NRN1L: variants seen among roughly 807,000 people sequenced by gnomAD.
NRN1L encodes the protein neuritin-like protein.
A neutral mutation model predicts 8.8 loss-of-function variants in NRN1L; 12 were observed. That is an observed-to-expected ratio of 1.36 (90% CI 0.87 to 2.20). The LOEUF is 2.20. Ranked by LOEUF, NRN1L falls within the 30% of genes most tolerant of loss-of-function variation. The pLI is 0.00. For synonymous variants in NRN1L, 114 were observed against 99.2 expected, an observed-to-expected ratio of 1.15 and a Z score of -0.88; for missense variants, 266 against 232.4, an observed-to-expected ratio of 1.14 and a Z score of -0.94.
At chr16:67,887,048 C>T (rs75264136), downstream of NRN1L, among the ~76,000 whole-genome samples, 72 of 152,282 alleles carry the variant, frequency 4.7e-4, no homozygotes, top group Non-Finnish European at 8.7e-4. Context: ...TTCTGGAAGC[C>T]GTGGAACAAG....
In NRN1L at chr16:67,886,000, C is replaced by A; in HGVS notation, c.239C>A (p.Ala80Asp). 3 of 1,614,198 alleles carry A rather than the reference C, an allele frequency of 1.9e-6. No homozygotes were observed. The highest frequency in any genetic ancestry group is 1.7e-6 in the Non-Finnish European group (2 of 1,180,034). The change falls in exon 3 of 3, where the codon GCC (alanine) becomes GAC (aspartate). Residue 80 changes from alanine (A) to aspartate (D), a missense_variant. Coordinates refer to ENST00000339176, the MANE Select transcript of NRN1L (RefSeq NM_198443.2). ...TCTTGGAATGACTTCCATGCCTGTG[C>A]CTCTCAGGTCCTGTCAGGCTGTCCG... ...CRSWNDFHAC[A>D]SQVLSGCPEE...
At position 67,886,081 on chromosome 16, in the gene NRN1L, G is replaced by T; in HGVS notation, c.320G>T (p.Arg107Leu). The T allele has an allele frequency of 1.2e-6, 2 of 1,613,314 alleles. No individual in the cohort carries two copies. The highest frequency in any genetic ancestry group is 1.7e-6 in the Non-Finnish European group (2 of 1,179,722). ...CAGCAAGAAGCTCGCCAGGCCCCCCGTCCGAATAACTTGCACACTCTGTGC... is the reference window on the plus strand; with the variant it reads ...CAGCAAGAAGCTCGCCAGGCCCCCCTTCCGAATAACTTGCACACTCTGTGC... ...SLQQEARQAP[R>L]PNNLHTLCGA... The change falls in exon 3 of 3, where the codon CGT becomes CTT. Residue 107 changes from arginine (R) to leucine (L), a missense_variant. Physicochemically the swap from Arg to Leu is moderately radical, Grantham distance 102 (BLOSUM62 -2). Transcript: ENST00000339176.
chr16:67,887,692 C>T (rs1394882093), downstream of NRN1L, among the ~76,000 whole-genome samples: 2 of 151,782 alleles, frequency 1.3e-5, no homozygotes, highest in East Asian at 3.9e-4. Context: ...ACACCATTCT[C>T]CTGCCTCAGC....
chr16:67,885,313 ATTTATC>A (rs949236397), intron 1 of NRN1L: 18 of 510,264 alleles, frequency 3.5e-5, no homozygotes, highest in African/African-American at 2.0e-4. Context: ...CTCCAAAAAT[ATTTATC>A]TTTAGAGAGA....
chr16:67,885,590 TG>T, intron 1 of NRN1L, 131 bp from the exon 2 acceptor site: 2 of 683,434 alleles, frequency 2.9e-6, no homozygotes, highest in Non-Finnish European at 4.9e-6. Context: ...TTTAGTTCCC[TG>T]GGGCACCCTT....
In NRN1L at chr16:67,885,024, G is replaced by A. The variant is rs746510820; in HGVS notation, c.79+42G>A. On this transcript the variant is annotated intron_variant, in intron 1 of 2. Transcript: ENST00000339176. Reference sequence around the variant, plus strand: ...GGGGCCCGGGCCACACCCCCTTCTCGCCCAGCCAAGCCAGGCTGGGCATAG... The same window carrying A: ...GGGGCCCGGGCCACACCCCCTTCTCACCCAGCCAAGCCAGGCTGGGCATAG... 3.2e-6 allele frequency: 5 copies of A among 1,543,138 alleles called. No homozygotes were observed. In the South Asian group the frequency reaches 5.6e-5, roughly 17 times the overall value.
downstream of NRN1L, among the ~76,000 whole-genome samples, chr16:67,887,519 C>T (rs1042253695): frequency 1.3e-4 from 19 of 151,690 alleles, no homozygotes; most frequent in Non-Finnish European, 2.2e-4. Flanking sequence ...ATCTGACCCC[C>T]GCGGCCTTCC....
intron 1 of NRN1L, chr16:67,885,465 C>T (rs2058091708): frequency 4.0e-6 from 2 of 505,044 alleles, no homozygotes; most frequent in South Asian, 2.8e-5. Flanking sequence ...CCTGCGGCCC[C>T]AGAAGCTCAA....
intron 2 of NRN1L, 50 bp downstream of exon 2, chr16:67,885,904 T>C: frequency 6.3e-7 from 1 of 1,580,540 alleles, no homozygotes; most frequent in Admixed American, 1.7e-5. Context: ...CATTGGGGAC[T>C]GAACCTTTTA....
Position 67,885,986 on chromosome 16 carries a change from C to A in NRN1L, c.225C>A (p.Asp75Glu), listed in dbSNP as rs753300370. Residue 75 changes from aspartate (D) to glutamate (E), a missense_variant, in exon 3 of 3, where the codon GAC becomes GAA. Physicochemically the swap from Asp to Glu is conservative, Grantham distance 45. Transcript: ENST00000339176. ...ACTCCCTTAACAGGTCTTGGAATGA[C>A]TTCCATGCCTGTGCCTCTCAGGTCC... Reference protein sequence around the residue: ...ELETICRSWNDFHACASQVLS... With the variant: ...ELETICRSWNEFHACASQVLS... 1.1e-5 allele frequency: 17 copies of A among 1,614,066 alleles called. 1 individual carries two copies. The Admixed American group carries it at 2.8e-4, about 27-fold the overall frequency.
intron 1 of NRN1L, 129 bp downstream of exon 1, chr16:67,885,111 C>A: frequency 1.3e-6 from 1 of 749,210 alleles, no homozygotes; most frequent in Non-Finnish European, 2.2e-6. Flanking sequence ...GGAAGGTGTG[C>A]TGGTGACTTC....
downstream of NRN1L, among the ~76,000 whole-genome samples, chr16:67,886,972 G>A (rs1339889072): frequency 2.0e-5 from 3 of 152,226 alleles, no homozygotes; most frequent in African/African-American, 7.2e-5. Context: ...TCTGGCCTCT[G>A]CTCTCCACAA....
chr16:67,885,641 C>CG lies in NRN1L; in HGVS notation c.80-81_80-80insG. The CG allele has an allele frequency of 3.4e-6, 4 of 1,167,222 alleles. No individual in the cohort carries two copies. The East Asian group carries it at 1.0e-4, about 29-fold the overall frequency. 72.3% of individuals were successfully genotyped at this position (1,167,222 alleles called of 1,614,324 possible). ...CATCCCCAGAGTGCTCCCAGGTAAACAAGCCCCTGGGGGCTGGGGGATGAG... is the reference window on the plus strand; with the variant it reads ...CATCCCCAGAGTGCTCCCAGGTAAACGAAGCCCCTGGGGGCTGGGGGATGAG... On this transcript the variant is annotated intron_variant, in intron 1 of 2. Coordinates refer to ENST00000339176, the MANE Select transcript of NRN1L (RefSeq NM_198443.2).
In NRN1L at chr16:67,885,973, G is replaced by T. The variant is rs760313001; in HGVS notation, c.213-1G>T. ...TCCCCCTAATCCCACTCCCTTAACA[G>T]GTCTTGGAATGACTTCCATGCCTGT... On this transcript the variant is annotated splice_acceptor_variant, in intron 2 of 2. Transcript: ENST00000339176. LOFTEE classifies it high-confidence loss of function. 1.9e-6 allele frequency: 3 copies of T among 1,613,922 alleles called. No individual in the cohort carries two copies. The African/African-American group carries it at 4.0e-5, about 22-fold the overall frequency.
downstream of NRN1L, chr16:67,888,733 C>A: frequency 6.6e-6 from 1 of 152,156 alleles, no homozygotes. Context: ...GAGCCCAGTC[C>A]CCTCTGCATT....
intron 1 of NRN1L, chr16:67,885,518 A>G: frequency 1.8e-6 from 1 of 566,064 alleles, no homozygotes; most frequent in Non-Finnish European, 3.1e-6. Context: ...CTTCCCCTGT[A>G]CAAATCCCAG....
At chr16:67,886,480 G>T (rs1598181707), downstream of NRN1L, 3 of 542,558 alleles carry the variant, frequency 5.5e-6, no homozygotes, top group East Asian at 9.3e-5. Context: ...GCCACCACAG[G>T]GGCCCTCAAT....
Position 67,885,702 on chromosome 16 carries a change from C to CCCCCCCCCCCCCCCA in NRN1L, c.80-20_80-19insCCCCCCCCCCCCCCA. On this transcript the variant is annotated intron_variant, in intron 1 of 2. Coordinates refer to ENST00000339176, the MANE Select transcript of NRN1L (RefSeq NM_198443.2). ...CCTATCTACCATTCCTTCCCCACCC[C>CCCCCCCCCCCCCCCA]ACCCCCGCCCCACTTCTAGTCCTTT... The CCCCCCCCCCCCCCCA allele has an allele frequency of 8.3e-7, 1 of 1,199,904 alleles. No individual in the cohort carries two copies. Among genetic ancestry groups the CCCCCCCCCCCCCCCA allele is most frequent in the Non-Finnish European group, 1.2e-6 (1 of 845,958 alleles). 74.3% of individuals were successfully genotyped at this position (1,199,904 alleles called of 1,614,324 possible).
intron 1 of NRN1L, 29 bp from the exon 2 acceptor site, chr16:67,885,693 T>TACC: frequency 3.2e-6 from 4 of 1,257,210 alleles, no homozygotes; most frequent in Admixed American, 2.4e-5. Context: ...TACCATTCCT[T>TACC]CCCCACCCCA....
Sources: allele counts gnomAD v4.1 joint callset (sites outside exome capture counted in the v4.1 genomes callset), GRCh38; gene constraint gnomAD v4.1.1; transcripts MANE v1.5; gene names NCBI Gene and HGNC (gene_info 2026-07-23, HGNC 2026-07-21).